The following PTPRM variants were observed in gnomAD, a reference collection of about 807,000 sequenced individuals.
PTPRM encodes receptor-type tyrosine-protein phosphatase mu.
Under a neutral mutation model 186.7 loss-of-function variants are expected in PTPRM, and 47 were observed. The ratio of observed to expected loss-of-function variants is 0.25; its 90% CI spans 0.20 to 0.32. The LOEUF (loss-of-function observed/expected upper bound fraction) is 0.32. Ranked by LOEUF, PTPRM falls within the 10% of genes least tolerant of loss-of-function variation. PTPRM has a pLI of 1.00. For synonymous variants in PTPRM, 668 were observed against 674.9 expected (o/e 0.99, Z 0.16); for missense variants, 1,494 against 1,865.0 (o/e 0.80, Z 3.66).
intron 1 of PTPRM, among the ~76,000 whole-genome samples, chr18:7,685,036 A>G (rs2039568146): frequency 1.3e-5 from 2 of 152,240 alleles, no homozygotes; most frequent in African/African-American, 4.8e-5. Context: ...CAACATGGCA[A>G]AATCATGTTA....
chr18:7,634,744 A>G (rs915633210), intron 1 of PTPRM, among the ~76,000 whole-genome samples: 2 of 152,204 alleles, frequency 1.3e-5, no homozygotes, highest in Non-Finnish European at 2.9e-5. Context: ...ATCCCTAGTT[A>G]TCACCTTTTA....
At chr18:8,281,251 G>A (rs2094900359) in intron 19 of PTPRM, among the ~76,000 whole-genome samples, 1 of 152,302 alleles carries the variant, frequency 6.6e-6, no homozygotes, top group Non-Finnish European at 1.5e-5. Context: ...CTCCTTCTCA[G>A]CCTTTCCTGT....
At chr18:7,846,883 C>T (rs2046623816) in intron 2 of PTPRM, among the ~76,000 whole-genome samples, 1 of 152,086 alleles carries the variant, frequency 6.6e-6, no homozygotes, top group Non-Finnish European at 1.5e-5. Context: ...TTCTTGCCCA[C>T]CTTCTTATTC....
intron 13 of PTPRM, among the ~76,000 whole-genome samples, chr18:8,120,653 G>A (rs1319252116): frequency 1.3e-5 from 2 of 151,744 alleles, no homozygotes; most frequent in African/African-American, 2.4e-5. Flanking sequence ...AAGCTACCAC[G>A]CTAGACTAAT....
chr18:7,825,980 G>A (rs1402731377), intron 2 of PTPRM, among the ~76,000 whole-genome samples: 1 of 152,132 alleles, frequency 6.6e-6, no homozygotes, highest in Admixed American at 6.5e-5. Flanking sequence ...AGGATAGATA[G>A]GATTGCCATT....
At chr18:7,576,602 A>T (rs1351564131) in intron 1 of PTPRM, among the ~76,000 whole-genome samples, 1 of 152,084 alleles carries the variant, frequency 6.6e-6, no homozygotes, top group African/African-American at 2.4e-5. Context: ...CAGCCTCCTG[A>T]GCAGCTGGGT....
At chr18:8,070,757 T>C (rs1020685233) in intron 8 of PTPRM, among the ~76,000 whole-genome samples, 1 of 152,184 alleles carries the variant, frequency 6.6e-6, no homozygotes, top group Non-Finnish European at 1.5e-5. Flanking sequence ...TAGTATATCA[T>C]AAATTTGACC....
chr18:7,966,962 A>G lies in PTPRM; in HGVS notation c.1132+11548A>G, dbSNP rs1347912696. The stretch of plus-strand genomic sequence containing the variant: ...ACTGGGTGGAGCCCACCACAGCTCT[A>G]GGAGGCCTGCCTGCCTCTGTAGGCT... On this transcript the variant is annotated intron_variant, in intron 7 of 32. Coordinates refer to ENST00000580170, the MANE Select transcript of PTPRM (RefSeq NM_001105244.2). Among the ~76,000 whole-genome samples the G allele has an allele frequency of 4.9e-5, 6 of 121,282 alleles. No individual in the cohort carries two copies. The East Asian group carries it at 8.7e-4, about 18-fold the overall frequency. 79.6% of individuals were successfully genotyped at this position (121,282 alleles called of 152,430 possible). A position where few individuals can be genotyped will look rare whatever the true frequency, so the allele number is the denominator to read the frequency against.
chr18:8,403,436 A>G (rs1211515250), intron 32 of PTPRM: 3 of 152,156 alleles, frequency 2.0e-5, no homozygotes, highest in African/African-American at 7.2e-5. Flanking sequence ...TTCGATTGTA[A>G]TCAGTTTCCA....
At chr18:8,299,654 G>T (rs1233691129) in intron 20 of PTPRM, among the ~76,000 whole-genome samples, 1 of 152,126 alleles carries the variant, frequency 6.6e-6, no homozygotes, top group Non-Finnish European at 1.5e-5. Flanking sequence ...TTACAGTCTA[G>T]TGCAGGGGGT....
chr18:7,694,756 C>T (rs1324981692), intron 1 of PTPRM, among the ~76,000 whole-genome samples: 2 of 151,998 alleles, frequency 1.3e-5, no homozygotes, highest in Non-Finnish European at 1.5e-5. Flanking sequence ...TATAAAATAT[C>T]TATAGAAGGA....
At chr18:8,030,138 T>A (rs1280437703) in intron 7 of PTPRM, among the ~76,000 whole-genome samples, 1 of 152,256 alleles carries the variant, frequency 6.6e-6, no homozygotes, top group Non-Finnish European at 1.5e-5. Flanking sequence ...AGATACTGCA[T>A]ATGCTTTGTA....
chr18:8,017,390 A>C (rs1282300096), intron 7 of PTPRM, among the ~76,000 whole-genome samples: 1 of 151,930 alleles, frequency 6.6e-6, no homozygotes, highest in Non-Finnish European at 1.5e-5. Flanking sequence ...TATACAAAAA[A>C]CATGCAAAAA....
At chr18:7,867,680 G>C in intron 2 of PTPRM, among the ~76,000 whole-genome samples, 1 of 152,124 alleles carries the variant, frequency 6.6e-6, no homozygotes, top group South Asian at 2.1e-4. Flanking sequence ...TGTGTCTTAA[G>C]GTTGCTCTTC....
chr18:8,248,881 T>G (rs902482279), intron 17 of PTPRM, among the ~76,000 whole-genome samples: 4 of 152,170 alleles, frequency 2.6e-5, no homozygotes, highest in Non-Finnish European at 5.9e-5. Flanking sequence ...AGAATGCATT[T>G]AAAGTATGAA....
At chr18:8,344,474 A>ATATATATATATATATATATATATC (rs1318982857) in intron 23 of PTPRM, among the ~76,000 whole-genome samples, 2 of 147,330 alleles carry the variant, frequency 1.4e-5, no homozygotes, top group South Asian at 2.1e-4. Flanking sequence ...ATATATATAT[A>ATATATATATATATATATATATATC]TCTAGCAAAA....
intron 2 of PTPRM, among the ~76,000 whole-genome samples, chr18:7,823,751 C>G (rs1473935856): frequency 6.6e-6 from 1 of 152,152 alleles, no homozygotes; most frequent in Non-Finnish European, 1.5e-5. Context: ...TGCCAGGGGC[C>G]CTTGGGTCGG....
chr18:7,891,200 C>T (rs569492962), intron 3 of PTPRM, among the ~76,000 whole-genome samples: 98 of 151,902 alleles, frequency 6.5e-4, no homozygotes, highest in African/African-American at 2.2e-3. Flanking sequence ...GCTGGAAGAT[C>T]GCTTGAGCCT....
At chr18:7,953,991 A>G (rs12954431) in intron 6 of PTPRM, among the ~76,000 whole-genome samples, 21,834 of 152,246 alleles carry the variant, frequency 0.14, 1,824 homozygotes, top group Non-Finnish European at 0.19. Flanking sequence ...CTTGAAAAAA[A>G]TCACTAGATT....
Sources: gnomAD v4.1 joint callset for allele counts (sites outside exome capture counted in the v4.1 genomes callset) on GRCh38, gnomAD v4.1.1 for gene constraint, MANE v1.5 for transcripts, NCBI Gene and HGNC (gene_info 2026-07-23, HGNC 2026-07-21) for gene names.